The following CDYL variants were observed in gnomAD, a reference collection of about 807,000 sequenced individuals.
The protein encoded by CDYL is chromodomain Y like.
A neutral mutation model predicts 47.3 loss-of-function variants in CDYL; 8 were observed. The observed-to-expected ratio is 0.17, with a 90% CI of 0.10 to 0.31. The LOEUF (loss-of-function observed/expected upper bound fraction) is 0.31, where lower values mean the gene tolerates loss of function less well. Among genes scored for constraint, CDYL ranks in the 10% least tolerant of loss-of-function variants. CDYL has a pLI of 1.00. For missense variants in CDYL, 471 were observed against 701.4 expected, an observed-to-expected ratio of 0.67 and a Z score of 3.71; for synonymous variants, 266 against 265.0, an observed-to-expected ratio of 1.00 and a Z score of -0.04.
At chr6:4,873,140 G>C (rs988582894) in intron 1 of CDYL, among the ~76,000 whole-genome samples, 1 of 152,104 alleles carries the variant, frequency 6.6e-6, no homozygotes. Flanking sequence ...AAGAGCAAGT[G>C]GTTTTATTTG....
At chr6:4,744,448 T>C (rs1417957859) in intron 3 of CDYL, among the ~76,000 whole-genome samples, 1 of 152,048 alleles carries the variant, frequency 6.6e-6, no homozygotes, top group Non-Finnish European at 1.5e-5. Flanking sequence ...TGAGCTATGA[T>C]TGAACCCACT....
rs545881273 is a variant in CDYL, at chr6:4,952,580, T to C, written c.1476+171T>C. Among the ~76,000 whole-genome samples the C allele has an allele frequency of 7.2e-5, 11 of 152,290 alleles. No individual in the cohort carries two copies. In the East Asian group the frequency reaches 2.1e-3, roughly 29 times the overall value. ...TGCCGCCACTGCCCCCACGCACGCC[T>C]TGCCTTCCCTTTGCAAATACCCAGG... On this transcript the variant is annotated intron_variant, in intron 6 of 6. Transcript: ENST00000397588.
intron 1 of CDYL, among the ~76,000 whole-genome samples, chr6:4,871,816 T>G (rs528746848): frequency 6.6e-6 from 1 of 152,368 alleles, no homozygotes; most frequent in Non-Finnish European, 1.5e-5. Flanking sequence ...ACTCATCTTC[T>G]GATATTCATG....
At chr6:4,804,431 A>G (rs1435190363) in intron 1 of CDYL, among the ~76,000 whole-genome samples, 1 of 152,356 alleles carries the variant, frequency 6.6e-6, no homozygotes, top group East Asian at 1.9e-4. Flanking sequence ...GTGTTGAAAT[A>G]GAAGTACAGT....
rs145508163 is a variant in CDYL at position 4,892,195 on chromosome 6, C to T, written c.507C>T (p.Val169=). 29 of 1,614,076 alleles carry T rather than the reference C, an allele frequency of 1.8e-5. No individual in the cohort carries two copies. The highest frequency in any genetic ancestry group is 6.7e-5 in the African/African-American group (5 of 74,936). The change falls in exon 2 of 7, where the codon GTC becomes GTT. Residue 169 remains valine (V), a synonymous_variant. Coordinates refer to ENST00000397588, the MANE Select transcript of CDYL (RefSeq NM_004824.4). ...AGAGCCCTGAGAAACTGGACCCCGT[C>T]GAGCAGGGTCAGGAGGACACAGTGG... is the stretch of plus-strand genomic sequence containing the variant. ...QSESPEKLDP[V]EQGQEDTVAP...
chr6:4,836,347 A>C (rs532442845), intron 1 of CDYL: 1 of 738,676 alleles, frequency 1.4e-6, no homozygotes, highest in South Asian at 6.2e-5. Context: ...GTGCTTTCAG[A>C]ATTCCAACCC....
chr6:4,736,331 T>A (rs1757703723), intron 3 of CDYL, among the ~76,000 whole-genome samples: 1 of 152,272 alleles, frequency 6.6e-6, no homozygotes, highest in Admixed American at 6.5e-5. Context: ...AAGTTACAGT[T>A]GTTGCTGGTA....
At chr6:4,779,298 G>T (rs995043728) in intron 1 of CDYL, among the ~76,000 whole-genome samples, 1 of 152,136 alleles carries the variant, frequency 6.6e-6, no homozygotes, top group Admixed American at 6.5e-5. Flanking sequence ...TTTCTGTTTG[G>T]CCTCAGGCTC....
intron 2 of CDYL, among the ~76,000 whole-genome samples, chr6:4,914,832 C>T (rs1391174787): frequency 1.3e-5 from 2 of 152,176 alleles, no homozygotes; most frequent in East Asian, 1.9e-4. Flanking sequence ...CAGCCCGGCA[C>T]GGTACCACAG....
At chr6:4,718,664 C>CTTCTATAT (rs1757314240) in intron 2 of CDYL, 1 of 152,108 alleles carries the variant, frequency 6.6e-6, no homozygotes, top group South Asian at 2.1e-4. Flanking sequence ...ATTTATAGTA[C>CTTCTATAT]CAAACTTTTC....
At chr6:4,715,844 G>C (rs746826274) in exon 2 of CDYL, 10 of 1,614,012 alleles carry the variant, frequency 6.2e-6, no homozygotes, top group Non-Finnish European at 8.5e-7. Flanking sequence ...GGCAATACGA[G>C]GGCCCAACCC....
At chr6:4,895,103 A>G (rs1489166133) in intron 2 of CDYL, among the ~76,000 whole-genome samples, 4 of 151,052 alleles carry the variant, frequency 2.6e-5, no homozygotes, top group Non-Finnish European at 5.9e-5. Flanking sequence ...ACATGTGTGT[A>G]TATGTATCTA....
intron 2 of CDYL, among the ~76,000 whole-genome samples, chr6:4,932,848 T>A (rs1581274874): frequency 6.6e-6 from 1 of 152,212 alleles, no homozygotes; most frequent in Admixed American, 6.5e-5. Flanking sequence ...ACCTGCACTT[T>A]TAACAACTGC....
At chr6:4,835,174 G>A (rs1421236501) in intron 1 of CDYL, among the ~76,000 whole-genome samples, 1 of 152,126 alleles carries the variant, frequency 6.6e-6, no homozygotes, top group East Asian at 1.9e-4. Context: ...CAGTTTTTGT[G>A]CTCTGTTTTT....
intron 1 of CDYL, among the ~76,000 whole-genome samples, chr6:4,706,645 C>T (rs944457915): frequency 6.6e-6 from 1 of 152,130 alleles, no homozygotes; most frequent in East Asian, 1.9e-4. Context: ...AAAAATTAGC[C>T]AGGTGTGGTG....
At chr6:4,788,479 T>TAAAAAA (rs1758820296) in intron 1 of CDYL, among the ~76,000 whole-genome samples, 1 of 11,778 alleles carries the variant, frequency 8.5e-5, no homozygotes, top group African/African-American at 2.2e-4. Context: ...TGAGACTCTG[T>TAAAAAA]CAAAAAAAAA....
At chr6:4,859,614 G>T (rs1761106199) in intron 1 of CDYL, among the ~76,000 whole-genome samples, 1 of 152,184 alleles carries the variant, frequency 6.6e-6, no homozygotes, top group Non-Finnish European at 1.5e-5. Flanking sequence ...AGATTATTTT[G>T]ATGAGTGCTA....
chr6:4,759,574 C>T (rs9502232), intron 3 of CDYL, among the ~76,000 whole-genome samples: 1 of 151,864 alleles, frequency 6.6e-6, no homozygotes, highest in African/African-American at 2.4e-5. Flanking sequence ...GCCCATTGAT[C>T]TTCTCATTTT....
At chr6:4,732,900 G>A (rs1757632892) in intron 2 of CDYL, among the ~76,000 whole-genome samples, 1 of 152,162 alleles carries the variant, frequency 6.6e-6, no homozygotes, top group Non-Finnish European at 1.5e-5. Context: ...GTGGTGAGGA[G>A]TCCCTGCGGC....
Sources: gnomAD v4.1 joint callset for allele counts (sites outside exome capture counted in the v4.1 genomes callset) on GRCh38, gnomAD v4.1.1 for gene constraint, MANE v1.5 for transcripts, NCBI Gene and HGNC (gene_info 2026-07-23, HGNC 2026-07-21) for gene names.